Variants in NLRC5 observed in about 807,000 individuals in gnomAD.
The protein encoded by NLRC5 is NLR family CARD domain containing 5, also known as protein NLRC5.
In NLRC5, 114 loss-of-function variants were observed where a neutral mutation model predicts 206.9. The ratio of observed to expected loss-of-function variants is 0.55; its 90% CI spans 0.47 to 0.64. The LOEUF is 0.64. Among genes scored for constraint, NLRC5 ranks in the 30% least tolerant of loss-of-function variants. The pLI is 0.00. For synonymous variants in NLRC5, 952 were observed against 962.8 expected (o/e 0.99, Z 0.21); for missense variants, 2,008 against 2,305.5 (o/e 0.87, Z 2.64).
At chr16:57,033,871 A>C (rs768386878) in intron 12 of NLRC5, among the ~76,000 whole-genome samples, 1 of 152,224 alleles carries the variant, frequency 6.6e-6, no homozygotes, top group African/African-American at 2.4e-5. Flanking sequence ...GCTGCAACTT[A>C]ATGGAACCGG....
chr16:57,055,149 T>A (rs2065452732), intron 26 of NLRC5, 55 bp downstream of exon 26: 1 of 1,587,112 alleles, frequency 6.3e-7, no homozygotes, highest in South Asian at 1.1e-5. Context: ...GACCAGTAGA[T>A]CTGCCTCCTG....
chr16:57,077,194 C>T lies in NLRC5; in HGVS notation c.4836-102C>T, dbSNP rs536430385. On this transcript the variant is annotated intron_variant, in intron 40 of 48. Coordinates refer to ENST00000688547, the MANE Select transcript of NLRC5 (RefSeq NM_001384950.1). Reference sequence around the variant, plus strand: ...GGGTGATGGGGCTCTCTGTGTGAGTCGAGGCCCTTCCTGGGACTTCAGCCT... The same window carrying T: ...GGGTGATGGGGCTCTCTGTGTGAGTTGAGGCCCTTCCTGGGACTTCAGCCT... 42 of 1,034,636 alleles carry T rather than the reference C, an allele frequency of 4.1e-5. No homozygotes were observed. The East Asian group carries it at 5.1e-4, about 13-fold the overall frequency. The allele number at this position is 1,034,636 out of a possible 1,614,324, so 64.1% of individuals were successfully genotyped here. A position where few individuals can be genotyped will look rare whatever the true frequency, so the allele number is the denominator to read the frequency against.
rs1228907597 is a variant in NLRC5 at position 57,020,764 on chromosome 16, G to A, written c.52G>A (p.Val18Met). Residue 18 changes from valine (V) to methionine (M), a missense_variant, in exon 3 of 49, where the codon GTG (valine) becomes ATG (methionine). Val to Met is a conservative substitution (Grantham distance 21). Coordinates refer to ENST00000688547, the MANE Select transcript of NLRC5 (RefSeq NM_001384950.1). ...CAACAAGAACCTGTGGAGCTGTCTT[G>A]TGAGGCTGCTCACCAAAGACCCAGA... ...LGNKNLWSCLVRLLTKDPEWL... is the reference protein window; with the variant it reads ...LGNKNLWSCLMRLLTKDPEWL... 1.2e-6 allele frequency: 2 copies of A among 1,612,360 alleles called. No individual in the cohort carries two copies. Among genetic ancestry groups the A allele is most frequent in the Non-Finnish European group, 1.7e-6 (2 of 1,179,700 alleles).
intron 1 of NLRC5, among the ~76,000 whole-genome samples, chr16:56,990,098 ATAGAAT>A (rs2056626507): frequency 6.6e-6 from 1 of 152,216 alleles, no homozygotes; most frequent in African/African-American, 2.4e-5. Flanking sequence ...AGTAGAAGGA[ATAGAAT>A]TAGGTTGAGC....
intron 1 of NLRC5, among the ~76,000 whole-genome samples, chr16:56,996,652 A>T (rs1567498119): frequency 6.6e-6 from 1 of 152,228 alleles, no homozygotes; most frequent in Non-Finnish European, 1.5e-5. Context: ...GAAATTATAC[A>T]CTTACCCCTA....
At chr16:57,001,628 A>C (rs2058269183) in intron 1 of NLRC5, among the ~76,000 whole-genome samples, 2 of 152,168 alleles carry the variant, frequency 1.3e-5, no homozygotes, top group South Asian at 4.1e-4. Flanking sequence ...TTTTGTGGGT[A>C]CATAGTAGGT....
chr16:57,053,658 A>T (rs2065224961), intron 24 of NLRC5, among the ~76,000 whole-genome samples: 1 of 152,150 alleles, frequency 6.6e-6, no homozygotes, highest in African/African-American at 2.4e-5. Flanking sequence ...CCTCCCAAGT[A>T]GCTGGGATTA....
chr16:57,050,419 A>G (rs1218254527), intron 23 of NLRC5, among the ~76,000 whole-genome samples: 1 of 152,194 alleles, frequency 6.6e-6, no homozygotes, highest in African/African-American at 2.4e-5. Flanking sequence ...AAACAGCCAG[A>G]GGAGAAAGCA....
chr16:57,049,826 T>A (rs2064610317), intron 23 of NLRC5, among the ~76,000 whole-genome samples: 2 of 152,112 alleles, frequency 1.3e-5, no homozygotes, highest in African/African-American at 4.8e-5. Context: ...CAGGTCCCCC[T>A]CCATTACCTG....
chr16:57,034,195 C>T lies in NLRC5; in HGVS notation c.2571C>T (p.His857=), dbSNP rs3995817. ...TGCAGAAGTGTCAGCTCCAGGTCCACGATGCGGAGGCCCTCATAGCCCTGC... is the reference window on the plus strand; with the variant it reads ...TGCAGAAGTGTCAGCTCCAGGTCCATGATGCGGAGGCCCTCATAGCCCTGC... ...LRLQKCQLQV[H]DAEALIALLQ... Residue 857 remains histidine (H), a synonymous_variant, in exon 13 of 49, where the codon CAC becomes CAT. Transcript: ENST00000688547. 0.14 allele frequency: 228,609 copies of T among 1,612,888 alleles called. 23,253 individuals carry two copies. The highest frequency in any genetic ancestry group is 0.58 in the East Asian group (26,171 of 44,738).
Position 57,059,620 on chromosome 16 carries a change from G to A in NLRC5, c.3986+88G>A, listed in dbSNP as rs2066154000. 3.9e-6 allele frequency: 5 copies of A among 1,273,912 alleles called. No homozygotes were observed. The South Asian group carries it at 4.7e-5, about 12-fold the overall frequency. 78.9% of individuals were successfully genotyped at this position (1,273,912 alleles called of 1,614,324 possible). ...GCCTCCATGGCCCCCTCTTCCCTGG[G>A]CCCTCTCCTCCTTTAGAGAGCAGCT... On this transcript the variant is annotated intron_variant, in intron 30 of 48. Coordinates refer to ENST00000688547, the MANE Select transcript of NLRC5 (RefSeq NM_001384950.1).
rs1567626081 is a variant in NLRC5, at chr16:57,061,930, A to AAAAGAAAGAAAAAAAG, written c.4154+240_4154+241insAAAAGAAAGAAAGAAA. The AAAAGAAAGAAAAAAAG allele has an allele frequency of 1.1e-5, 16 of 1,517,222 alleles. No homozygotes were observed. The African/African-American group carries it at 1.9e-4, about 18-fold the overall frequency. The allele number at this position is 1,517,222 out of a possible 1,614,324, so 94.0% of individuals were successfully genotyped here. On this transcript the variant is annotated intron_variant, in intron 32 of 48. Coordinates refer to ENST00000688547, the MANE Select transcript of NLRC5 (RefSeq NM_001384950.1). Reference sequence around the variant, plus strand: ...GGCCTGTGCTTTGGGATTTAAGAAAAAAAGAAAGAAAGAAAGAAAGAAGGT... The same window carrying AAAAGAAAGAAAAAAAG: ...GGCCTGTGCTTTGGGATTTAAGAAAAAAAGAAAGAAAAAAAGAAAGAAAGAAAGAAAGAAAGAAGGT...
chr16:57,023,640 G>A, intron 4 of NLRC5, 145 bp from the exon 5 acceptor site: 1 of 601,980 alleles, frequency 1.7e-6, no homozygotes. Context: ...GCCTCTGCCT[G>A]CTGCCTGCCT....
intron 2 of NLRC5, among the ~76,000 whole-genome samples, chr16:57,019,933 C>T (rs573110552): frequency 2.0e-5 from 3 of 152,200 alleles, no homozygotes; most frequent in African/African-American, 2.4e-5. Flanking sequence ...AGTAATGCAT[C>T]CTCACGGGAC....
intron 1 of NLRC5, among the ~76,000 whole-genome samples, chr16:56,996,938 C>T (rs1308346247): frequency 1.3e-5 from 2 of 152,150 alleles, no homozygotes; most frequent in East Asian, 3.9e-4. Context: ...AGTGTGATCA[C>T]AGCCCACTGC....
intron 16 of NLRC5, 27 bp downstream of exon 16, chr16:57,039,876 A>C: frequency 1.3e-6 from 2 of 1,591,920 alleles, no homozygotes; most frequent in South Asian, 2.2e-5. Flanking sequence ...CCCCAACTCC[A>C]TGCTCAGTCA....
intron 1 of NLRC5, among the ~76,000 whole-genome samples, chr16:56,991,713 G>A (rs1207442035): frequency 4.3e-5 from 6 of 141,018 alleles, no homozygotes; most frequent in South Asian, 2.3e-4. Context: ...ATAGACATGA[G>A]GTCTCAAACT....
intron 2 of NLRC5, among the ~76,000 whole-genome samples, chr16:57,020,497 C>A: frequency 1.1e-5 from 1 of 94,154 alleles, no homozygotes; most frequent in Non-Finnish European, 2.2e-5. Flanking sequence ...ACCTCCCCCT[C>A]AGCTCTCCTG....
Position 57,039,652 on chromosome 16 carries a change from G to A in NLRC5, c.2802-129G>A, listed in dbSNP as rs1247226371. 5.2e-6 allele frequency: 4 copies of A among 773,532 alleles called. No individual in the cohort carries two copies. The African/African-American group carries it at 6.9e-5, about 13-fold the overall frequency. 47.9% of individuals were successfully genotyped at this position (773,532 alleles called of 1,614,324 possible). ...GGATTGCTTGAGCCCAGGAGGTGGA[G>A]GCTTCAGTGAGCCATGATTGCACCA... On this transcript the variant is annotated intron_variant, in intron 15 of 48. Transcript: ENST00000688547.
Sources: gnomAD v4.1 joint callset for allele counts (sites outside exome capture counted in the v4.1 genomes callset) on GRCh38, gnomAD v4.1.1 for gene constraint, MANE v1.5 for transcripts, NCBI Gene and HGNC (gene_info 2026-07-23, HGNC 2026-07-21) for gene names.